Variants in SCAF4 observed in about 807,000 individuals in gnomAD.
SCAF4 encodes the protein SR-related CTD associated factor 4, also known as SR-related and CTD-associated factor 4.
SCAF4 carries 25 observed loss-of-function variants against 129.8 expected under a neutral mutation model. The ratio of observed to expected loss-of-function variants is 0.19; its 90% CI spans 0.14 to 0.27. The LOEUF is 0.27. Among genes scored for constraint, SCAF4 ranks in the 10% least tolerant of loss-of-function variants. SCAF4 has a pLI of 1.00. For missense variants in SCAF4, 1,246 were observed against 1,457.1 expected (o/e 0.86, Z 2.36); for synonymous variants, 551 against 497.7 (o/e 1.11, Z -1.43).
At chr21:31,716,111 T>G (rs1225803105) in intron 1 of SCAF4, among the ~76,000 whole-genome samples, 4 of 152,170 alleles carry the variant, frequency 2.6e-5, no homozygotes, top group Admixed American at 2.0e-4. Context: ...TATATACTAA[T>G]CTAAGCCATC....
intron 19 of SCAF4, among the ~76,000 whole-genome samples, chr21:31,673,950 G>C (rs1298689047): frequency 1.3e-5 from 2 of 152,226 alleles, no homozygotes; most frequent in East Asian, 3.8e-4. Context: ...ATAGGTTCAA[G>C]TGGCCAAGCC....
chr21:31,702,861 C>A (rs966303011), intron 4 of SCAF4, among the ~76,000 whole-genome samples: 3 of 152,088 alleles, frequency 2.0e-5, no homozygotes, highest in Non-Finnish European at 4.4e-5. Context: ...AAGGAATCAT[C>A]TTGGTTTTGG....
At chr21:31,672,985 TC>T (rs1356706216) in intron 19 of SCAF4, among the ~76,000 whole-genome samples, 3 of 152,262 alleles carry the variant, frequency 2.0e-5, no homozygotes, top group African/African-American at 7.2e-5. Flanking sequence ...AGTTCCTTTT[TC>T]AAGGCACAGC....
chr21:31,699,748 GT>G (rs1054148686), intron 7 of SCAF4, among the ~76,000 whole-genome samples: 6 of 152,052 alleles, frequency 3.9e-5, no homozygotes, highest in African/African-American at 1.4e-4. Context: ...AAACTTTTGA[GT>G]TTTTTTGCAG....
intron 14 of SCAF4, among the ~76,000 whole-genome samples, chr21:31,691,319 C>G (rs1190584161): frequency 6.6e-6 from 1 of 152,164 alleles, no homozygotes; most frequent in Non-Finnish European, 1.5e-5. Flanking sequence ...AATTACTTAA[C>G]ATCAGACAAA....
chr21:31,705,637 T>C (rs1016079032), intron 2 of SCAF4, among the ~76,000 whole-genome samples, 170 bp from the exon 3 acceptor site: 2 of 151,382 alleles, frequency 1.3e-5, no homozygotes, highest in African/African-American at 4.9e-5. Flanking sequence ...CAGAGAAAAA[T>C]AAACTAAAAA....
Position 31,695,033 on chromosome 21 carries a change from A to G in SCAF4, c.1069-53T>C. On this transcript the variant is annotated intron_variant, in intron 9 of 19. Transcript: ENST00000286835. ...TAATAGCTATCAAAATAATTTGGAA[A>G]ACCTTTAGTTATATAAAACTAAAAT... The G allele has an allele frequency of 2.0e-6, 3 of 1,490,416 alleles. No individual in the cohort carries two copies. In the Admixed American group the frequency reaches 6.1e-5, roughly 30 times the overall value. 92.3% of individuals were successfully genotyped at this position (1,490,416 alleles called of 1,614,324 possible).
chr21:31,717,274 T>C (rs2050941452), intron 1 of SCAF4, among the ~76,000 whole-genome samples: 1 of 152,142 alleles, frequency 6.6e-6, no homozygotes, highest in Admixed American at 6.5e-5. Flanking sequence ...TCTCAAATTT[T>C]CCACAATAAT....
In SCAF4 at chr21:31,701,106, A is replaced by C; in HGVS notation, c.666T>G (p.Ala222=). ...PKPQSPALDN[A]VMAQVQAITA... ...TGATAGCCTGAACCTGAGCCATCAC[A>C]GCATTGTCAAGGGCAGGAGACTGTG... The change falls in exon 7 of 20, where the codon GCT becomes GCG. Residue 222 remains alanine, a synonymous_variant. Transcript: ENST00000286835. The C allele has an allele frequency of 6.2e-7, 1 of 1,613,936 alleles. No homozygotes were observed. The highest frequency in any genetic ancestry group is 1.6e-4 in the Middle Eastern group (1 of 6,062).
At chr21:31,729,619 T>A (rs1234202790) in intron 1 of SCAF4, among the ~76,000 whole-genome samples, 1 of 152,184 alleles carries the variant, frequency 6.6e-6, no homozygotes, top group Non-Finnish European at 1.5e-5. Flanking sequence ...TGAGAAGCAC[T>A]ACAAATCAAG....
intron 1 of SCAF4, among the ~76,000 whole-genome samples, chr21:31,726,768 A>G (rs1203576077): frequency 1.3e-5 from 2 of 152,240 alleles, no homozygotes; most frequent in South Asian, 2.1e-4. Context: ...AGTTCATTGC[A>G]GCCTGTCAGC....
At chr21:31,715,485 A>T (rs1275335421) in intron 1 of SCAF4, among the ~76,000 whole-genome samples, 1 of 152,232 alleles carries the variant, frequency 6.6e-6, no homozygotes, top group East Asian at 1.9e-4. Context: ...TACCTAAAAA[A>T]AATAGGGCTT....
chr21:31,696,108 T>C lies in SCAF4; in HGVS notation c.1068+5A>G, dbSNP rs761615090. ...TTCTTTGAACTGCAAGAAAAATGCTTGTACCTGATGGTGCATTGGATCCTG... is the reference window on the plus strand; with the variant it reads ...TTCTTTGAACTGCAAGAAAAATGCTCGTACCTGATGGTGCATTGGATCCTG... On this transcript the variant is annotated splice_donor_5th_base_variant and intron_variant, in intron 9 of 19. Coordinates refer to ENST00000286835, the MANE Select transcript of SCAF4 (RefSeq NM_020706.2). 1.3e-6 allele frequency: 2 copies of C among 1,599,366 alleles called. No homozygotes were observed. The highest frequency in any genetic ancestry group is 1.1e-5 in the South Asian group (1 of 90,656).
intron 19 of SCAF4, among the ~76,000 whole-genome samples, chr21:31,674,969 G>A (rs2049813859): frequency 6.6e-6 from 1 of 152,202 alleles, no homozygotes; most frequent in Non-Finnish European, 1.5e-5. Flanking sequence ...AAGCTGGTGT[G>A]TGAATCTGAG....
intron 19 of SCAF4, among the ~76,000 whole-genome samples, chr21:31,682,490 A>G (rs181861883): frequency 6.6e-6 from 1 of 152,354 alleles, no homozygotes; most frequent in Admixed American, 6.5e-5. Flanking sequence ...TAGGTCTTAT[A>G]AATAACATCT....
At chr21:31,703,068 A>G (rs1730027142) in intron 4 of SCAF4, among the ~76,000 whole-genome samples, 2 of 152,142 alleles carry the variant, frequency 1.3e-5, no homozygotes, top group South Asian at 4.1e-4. Flanking sequence ...TATGTTGTAA[A>G]GCCAACTGTA....
intron 19 of SCAF4, among the ~76,000 whole-genome samples, chr21:31,673,598 G>A (rs971094740): frequency 1.3e-5 from 2 of 151,846 alleles, no homozygotes; most frequent in East Asian, 3.9e-4. Context: ...CAGGACACCA[G>A]CTACACTGTA....
chr21:31,709,328 T>C (rs902205030), intron 1 of SCAF4, among the ~76,000 whole-genome samples: 2 of 138,942 alleles, frequency 1.4e-5, no homozygotes, highest in Non-Finnish European at 3.1e-5. Flanking sequence ...AACGAATAAA[T>C]ACTTACTGGT....
intron 1 of SCAF4, among the ~76,000 whole-genome samples, chr21:31,708,271 G>T (rs1254096328): frequency 1.3e-5 from 2 of 151,896 alleles, no homozygotes; most frequent in Non-Finnish European, 2.9e-5. Flanking sequence ...AGCTACTTGG[G>T]AGGCTGAGGC....
Sources: allele counts gnomAD v4.1 joint callset (sites outside exome capture counted in the v4.1 genomes callset), GRCh38; gene constraint gnomAD v4.1.1; transcripts MANE v1.5; gene names NCBI Gene and HGNC (gene_info 2026-07-23, HGNC 2026-07-21).